The following UBASH3A variants were observed in gnomAD, a reference collection of about 807,000 sequenced individuals.
UBASH3A encodes ubiquitin associated and SH3 domain containing A, also known as ubiquitin-associated and SH3 domain-containing protein A.
Under a neutral mutation model 73.5 loss-of-function variants are expected in UBASH3A, and 63 were observed. That is an observed-to-expected ratio of 0.86 (90% CI 0.70 to 1.06). The LOEUF is 1.06. Ranked by LOEUF, UBASH3A falls within the 50% of genes least tolerant of loss-of-function variation. The pLI is 0.00. For synonymous variants in UBASH3A, 363 were observed against 351.1 expected (o/e 1.03, Z -0.38); for missense variants, 860 against 859.0 (o/e 1.00, Z -0.02).
intron 2 of UBASH3A, among the ~76,000 whole-genome samples, chr21:42,407,765 T>C (rs936827748): frequency 6.6e-6 from 1 of 152,198 alleles, no homozygotes; most frequent in Non-Finnish European, 1.5e-5. Context: ...GCAGATTCCC[T>C]GGAGAAATGC....
At chr21:42,445,551 T>A (rs968739088) in intron 14 of UBASH3A, among the ~76,000 whole-genome samples, 1 of 152,194 alleles carries the variant, frequency 6.6e-6, no homozygotes, top group African/African-American at 2.4e-5. Context: ...CCCAGCCCAG[T>A]GACACCAGCC....
At chr21:42,444,458 C>G (rs916608397) in intron 13 of UBASH3A, 76 bp from the exon 14 acceptor site, 35 of 1,119,388 alleles carry the variant, frequency 3.1e-5, no homozygotes, top group Non-Finnish European at 4.2e-5. Context: ...TGCCCCCCAC[C>G]ACTTTGGGGA....
At chr21:42,435,006 T>C in intron 10 of UBASH3A, 52 bp downstream of exon 10, 1 of 1,602,990 alleles carries the variant, frequency 6.2e-7, no homozygotes, top group Non-Finnish European at 8.5e-7. Context: ...GCAACACTGA[T>C]TATGGCTAGC....
chr21:42,440,328 G>A (rs2053719064), intron 11 of UBASH3A, among the ~76,000 whole-genome samples: 1 of 152,162 alleles, frequency 6.6e-6, no homozygotes, highest in Non-Finnish European at 1.5e-5. Flanking sequence ...TCAGTGTGAG[G>A]GTGGCTCTTA....
chr21:42,409,367 G>A, intron 2 of UBASH3A, 55 bp from the exon 3 acceptor site: 2 of 1,493,140 alleles, frequency 1.3e-6, no homozygotes, highest in Non-Finnish European at 1.8e-6. Context: ...ATCCTCAAAG[G>A]GGAAAACTCT....
chr21:42,419,746 G>A lies in UBASH3A; in HGVS notation c.1046+1137G>A, dbSNP rs565345453. On this transcript the variant is annotated intron_variant, in intron 7 of 14. Transcript: ENST00000319294. ...TAGGATTTCATAATGTTACGAAAGT[G>A]ATATGGGTTCAATAGAAACTGTACT... 1.9e-3 allele frequency among the ~76,000 whole-genome samples: 287 copies of A among 152,318 alleles called. 1 individual carries two copies. Among genetic ancestry groups the A allele is most frequent in the Non-Finnish European group, 3.3e-3 (225 of 68,024 alleles).
chr21:42,428,391 C>G (rs1364089942), intron 8 of UBASH3A, among the ~76,000 whole-genome samples: 1 of 152,044 alleles, frequency 6.6e-6, no homozygotes, highest in East Asian at 1.9e-4. Flanking sequence ...GAAGCTGGGT[C>G]CATGAGAAAT....
At chr21:42,427,155 C>T (rs2053451106) in intron 8 of UBASH3A, among the ~76,000 whole-genome samples, 1 of 152,184 alleles carries the variant, frequency 6.6e-6, no homozygotes, top group East Asian at 1.9e-4. Context: ...TGCCTTGGCC[C>T]CTCATCTTTT....
chr21:42,422,823 G>C (rs921335782), intron 7 of UBASH3A, among the ~76,000 whole-genome samples: 1 of 152,160 alleles, frequency 6.6e-6, no homozygotes, highest in Non-Finnish European at 1.5e-5. Context: ...AAATACATGT[G>C]CACAATATGT....
intron 2 of UBASH3A, among the ~76,000 whole-genome samples, chr21:42,408,824 A>C (rs989716765): frequency 7.9e-5 from 12 of 151,564 alleles, no homozygotes; most frequent in African/African-American, 2.7e-4. Flanking sequence ...TGGAGGTTGC[A>C]GTGAGCTGAG....
chr21:42,405,292 G>A (rs2052946051), intron 1 of UBASH3A, among the ~76,000 whole-genome samples: 1 of 152,208 alleles, frequency 6.6e-6, no homozygotes, highest in African/African-American at 2.4e-5. Context: ...TTTGTCCACT[G>A]CTCACCACCC....
At chr21:42,422,779 T>C (rs965902084) in intron 7 of UBASH3A, among the ~76,000 whole-genome samples, 4 of 152,098 alleles carry the variant, frequency 2.6e-5, no homozygotes, top group Non-Finnish European at 5.9e-5. Flanking sequence ...GATATACTTG[T>C]GGGGGAAGGG....
chr21:42,406,457 G>A (rs1327128326), intron 2 of UBASH3A, 96 bp downstream of exon 2: 8 of 1,071,920 alleles, frequency 7.5e-6, no homozygotes, highest in Admixed American at 1.8e-5. Context: ...AGGAAGAGCC[G>A]GGCGCCTCTG....
At position 42,413,974 on chromosome 21, in the gene UBASH3A, GA is replaced by G. The variant is rs1398382149; in HGVS notation, c.667+452del. 6.6e-6 allele frequency among the ~76,000 whole-genome samples: 1 copy of G among 152,160 alleles called. No homozygotes were observed. Among genetic ancestry groups the G allele is most frequent in the African/African-American group, 2.4e-5 (1 of 41,434 alleles). Reference sequence around the variant, plus strand: ...TGTGATTTTTTTCTGTGTCCCTGATGAGTGGCATGACCTTAATCAAGTCATG... The same window carrying G: ...TGTGATTTTTTTCTGTGTCCCTGATGGTGGCATGACCTTAATCAAGTCATG... On this transcript the variant is annotated intron_variant, in intron 5 of 14. Coordinates refer to ENST00000319294, the MANE Select transcript of UBASH3A (RefSeq NM_018961.4). The surrounding 1 kb of genome is among the most constrained non-coding windows in gnomAD (Gnocchi z 4.5).
chr21:42,431,487 A>G (rs1405989087), intron 8 of UBASH3A, among the ~76,000 whole-genome samples: 1 of 152,246 alleles, frequency 6.6e-6, no homozygotes, highest in African/African-American at 2.4e-5. Context: ...TCATGCCGAG[A>G]AGAAGTAAAT....
chr21:42,435,147 T>C, intron 10 of UBASH3A, 193 bp downstream of exon 10: 1 of 553,398 alleles, frequency 1.8e-6, no homozygotes, highest in Admixed American at 3.6e-5. Flanking sequence ...AAAGTGGCAA[T>C]GTAGAGGTTT....
chr21:42,430,273 T>C (rs767330331), intron 8 of UBASH3A, among the ~76,000 whole-genome samples: 48 of 152,182 alleles, frequency 3.2e-4, no homozygotes, highest in Non-Finnish European at 4.0e-4. Flanking sequence ...CAGACAGGAA[T>C]GATCAGCTGC....
intron 3 of UBASH3A, among the ~76,000 whole-genome samples, chr21:42,411,220 G>A (rs960284700): frequency 3.3e-5 from 5 of 149,384 alleles, no homozygotes; most frequent in Non-Finnish European, 5.9e-5. Flanking sequence ...ATGCATACAT[G>A]GATACAGACA....
At chr21:42,422,851 T>C (rs1198258815) in intron 7 of UBASH3A, among the ~76,000 whole-genome samples, 1 of 152,204 alleles carries the variant, frequency 6.6e-6, no homozygotes, top group Non-Finnish European at 1.5e-5. Flanking sequence ...TACATGTGTA[T>C]GCCTAAAGGT....
Sources: allele counts gnomAD v4.1 joint callset (sites outside exome capture counted in the v4.1 genomes callset), GRCh38; gene constraint gnomAD v4.1.1; non-coding constraint Gnocchi (gnomAD v3.1); transcripts MANE v1.5; gene names NCBI Gene and HGNC (gene_info 2026-07-23, HGNC 2026-07-21).